GCFC2: variants seen among roughly 807,000 people sequenced by gnomAD.
The protein encoded by GCFC2 is intron Large complex component GCFC2.
Under a neutral mutation model 99.4 loss-of-function variants are expected in GCFC2, and 102 were observed. That is an observed-to-expected ratio of 1.03 (90% CI 0.87 to 1.21). The LOEUF (loss-of-function observed/expected upper bound fraction) is 1.21, where lower values mean the gene tolerates loss of function less well. GCFC2 is among the 50% of genes most tolerant of loss of function. The pLI is 0.00. For missense variants in GCFC2, 973 were observed against 920.9 expected (o/e 1.06, Z -0.73); for synonymous variants, 338 against 316.8 (o/e 1.07, Z -0.71).
In GCFC2 at chr2:75,706,252, G is replaced by GT. The variant is rs577990836; in HGVS notation, c.394+270dup. The stretch of plus-strand genomic sequence containing the variant: ...CTGACAAATTCTTACCATCCTTCAA[G>GT]TATCAATGTCAATCACCCAGTATAG... On this transcript the variant is annotated intron_variant, in intron 2 of 16. Transcript: ENST00000321027. 6.6e-5 allele frequency among the ~76,000 whole-genome samples: 10 copies of GT among 152,206 alleles called. No homozygotes were observed. The East Asian group carries it at 1.9e-3, about 29-fold the overall frequency.
At chr2:75,693,998 C>T (rs1288399297) in intron 6 of GCFC2, among the ~76,000 whole-genome samples, 4 of 151,670 alleles carry the variant, frequency 2.6e-5, no homozygotes, top group Admixed American at 2.6e-4. Context: ...AGGAATTTTC[C>T]TTAAACAGAA....
chr2:75,710,860 G>T lies in GCFC2; in HGVS notation c.-5C>A. On this transcript the variant is annotated 5_prime_UTR_variant, in exon 1 of 17. Coordinates refer to ENST00000321027, the MANE Select transcript of GCFC2 (RefSeq NM_003203.5). ...CCTTTTCGGCCTGTGAGCCATGGCC[G>T]AGGCCCGAGCGCCCGGCGCCCTAGA... 6.5e-7 allele frequency: 1 copy of T among 1,546,082 alleles called. No individual in the cohort carries two copies. Among genetic ancestry groups the T allele is most frequent in the Non-Finnish European group, 8.7e-7 (1 of 1,152,916 alleles).
chr2:75,704,331 C>G (rs556616706), intron 2 of GCFC2, among the ~76,000 whole-genome samples: 7 of 152,326 alleles, frequency 4.6e-5, no homozygotes, highest in Admixed American at 2.6e-4. Flanking sequence ...CAAATAAATG[C>G]TCTTCTTCCA....
chr2:75,701,288 C>T lies in GCFC2; in HGVS notation c.620-1G>A. ...TCACTTGTTTCTTCATTTCTGCTTA[C>T]TAGCGGAAAAAAAGCTCACATGTAA... On this transcript the variant is annotated splice_acceptor_variant, in intron 3 of 16. Transcript: ENST00000321027. LOFTEE classifies it high-confidence loss of function. 1.3e-6 allele frequency: 2 copies of T among 1,575,444 alleles called. No individual in the cohort carries two copies. Among genetic ancestry groups the T allele is most frequent in the Non-Finnish European group, 1.7e-6 (2 of 1,146,024 alleles).
rs1050791276 is a variant in GCFC2 at position 75,710,909 on chromosome 2, C to T, written c.-54G>A. The T allele has an allele frequency of 3.2e-5, 46 of 1,451,896 alleles. No homozygotes were observed. The highest frequency in any genetic ancestry group is 4.0e-5 in the Non-Finnish European group (45 of 1,111,154). 89.9% of individuals were successfully genotyped at this position (1,451,896 alleles called of 1,614,324 possible). A position where few individuals can be genotyped will look rare whatever the true frequency, so the allele number is the denominator to read the frequency against. ...GAACCCGCTGAACCGCAAGCCGCAG[C>T]TTCAGTGCCCGCCCCCTAGGGCGCG... On this transcript the variant is annotated 5_prime_UTR_variant, in exon 1 of 17. Transcript: ENST00000321027.
Position 75,701,257 on chromosome 2 carries a change from CT to C in GCFC2, c.649del (p.Ser217ValfsTer15), listed in dbSNP as rs746312156. ...ISRNEETSEE[S>X]QEDEKQDTWE... ...AGTATCTTGCTTTTCATCTTCCTGA[CT>C]TTCTTCACTTGTTTCTTCATTTCTG... On this transcript the variant is annotated frameshift_variant, in exon 4 of 17. Transcript: ENST00000321027. LOFTEE classifies it high-confidence loss of function. The C allele has an allele frequency of 6.2e-7, 1 of 1,607,254 alleles. No homozygotes were observed.
At chr2:75,699,337 T>C (rs916871795) in intron 4 of GCFC2, among the ~76,000 whole-genome samples, 1 of 152,236 alleles carries the variant, frequency 6.6e-6, no homozygotes, top group African/African-American at 2.4e-5. Context: ...TAAATAGAAC[T>C]GTTTGGTACT....
intron 11 of GCFC2, among the ~76,000 whole-genome samples, chr2:75,684,854 C>T (rs532758206): frequency 2.1e-4 from 32 of 152,284 alleles, no homozygotes; most frequent in Non-Finnish European, 3.7e-4. Context: ...GGCACATGTA[C>T]ACCATGGAAT....
chr2:75,667,452 T>G (rs947788242), intron 15 of GCFC2, among the ~76,000 whole-genome samples: 1 of 152,158 alleles, frequency 6.6e-6, no homozygotes, highest in Non-Finnish European at 1.5e-5. Flanking sequence ...AATGCGCTCT[T>G]TCTAAGATTG....
intron 2 of GCFC2, among the ~76,000 whole-genome samples, chr2:75,706,001 C>T (rs1452578267): frequency 6.6e-6 from 1 of 152,220 alleles, no homozygotes; most frequent in Non-Finnish European, 1.5e-5. Flanking sequence ...AACCCCTGAA[C>T]TAGACTGATC....
intron 11 of GCFC2, among the ~76,000 whole-genome samples, chr2:75,687,391 T>G (rs565177174): frequency 2.0e-5 from 3 of 152,256 alleles, no homozygotes; most frequent in Admixed American, 2.0e-4. Context: ...CTTTAAATAC[T>G]AAGTGACTGA....
chr2:75,710,696 C>G lies in GCFC2; in HGVS notation c.160G>C (p.Val54Leu). ...CGAACCCGGTGGGGCAGTCCCGCCA[C>G]CTGCGCGCGGCCTCCTCCAGAGGGC... The part of the protein sequence containing the change: ...EPPSGGGRAQ[V>L]AGLPHRVRGP... Residue 54 changes from valine to leucine, a missense_variant, in exon 1 of 17, where the codon GTG (valine) becomes CTG (leucine). Physicochemically the swap from Val to Leu is conservative, Grantham distance 32. Coordinates refer to ENST00000321027, the MANE Select transcript of GCFC2 (RefSeq NM_003203.5). 3 of 1,531,120 alleles carry G rather than the reference C, an allele frequency of 2.0e-6. No individual in the cohort carries two copies. The highest frequency in any genetic ancestry group is 2.6e-6 in the Non-Finnish European group (3 of 1,144,124). The allele number at this position is 1,531,120 out of a possible 1,614,324, so 94.8% of individuals were successfully genotyped here. A position where few individuals can be genotyped will look rare whatever the true frequency, so the allele number is the denominator to read the frequency against.
In GCFC2 at chr2:75,689,214, G is replaced by T. The variant is rs187749452; in HGVS notation, c.1351C>A (p.Gln451Lys). 17 of 1,574,464 alleles carry T rather than the reference G, an allele frequency of 1.1e-5. No homozygotes were observed. The East Asian group carries it at 2.7e-4, about 25-fold the overall frequency. ...TCTTCAAAAACTTTCTTCTGTTTCT[G>T]TAAAATGTCACCTGTAAACAAAATA... ...DFQKSQGDIL[Q>K]KQKKVFEEVQ... Residue 451 changes from glutamine to lysine, a missense_variant, in exon 10 of 17, where the codon CAG (glutamine) becomes AAG (lysine). Transcript: ENST00000321027.
chr2:75,664,629 C>A lies in GCFC2; in HGVS notation c.*37G>T. 1 of 880,296 alleles carries A rather than the reference C, an allele frequency of 1.1e-6. No individual in the cohort carries two copies. 54.5% of individuals were successfully genotyped at this position (880,296 alleles called of 1,614,324 possible). A position where few individuals can be genotyped will look rare whatever the true frequency, so the allele number is the denominator to read the frequency against. On this transcript the variant is annotated 3_prime_UTR_variant, in exon 17 of 17. Coordinates refer to ENST00000321027, the MANE Select transcript of GCFC2 (RefSeq NM_003203.5). ...TCTCAAACAAAGGAACTGAGTGTAA[C>A]TATATTAAAATTTTAGCATTTTCCA...
chr2:75,710,908 G>A lies in GCFC2; in HGVS notation c.-53C>T. On this transcript the variant is annotated 5_prime_UTR_variant, in exon 1 of 17. Coordinates refer to ENST00000321027, the MANE Select transcript of GCFC2 (RefSeq NM_003203.5). ...AGAACCCGCTGAACCGCAAGCCGCAGCTTCAGTGCCCGCCCCCTAGGGCGC... is the reference window on the plus strand; with the variant it reads ...AGAACCCGCTGAACCGCAAGCCGCAACTTCAGTGCCCGCCCCCTAGGGCGC... 1 of 1,456,086 alleles carries A rather than the reference G, an allele frequency of 6.9e-7. No individual in the cohort carries two copies. The highest frequency in any genetic ancestry group is 9.0e-7 in the Non-Finnish European group (1 of 1,112,764). The allele number at this position is 1,456,086 out of a possible 1,614,324, so 90.2% of individuals were successfully genotyped here. A position where few individuals can be genotyped will look rare whatever the true frequency, so the allele number is the denominator to read the frequency against.
chr2:75,694,636 T>C (rs1680226509), intron 5 of GCFC2, among the ~76,000 whole-genome samples: 1 of 152,160 alleles, frequency 6.6e-6, no homozygotes. Flanking sequence ...CTTGCATTTG[T>C]CTTTCAGAAT....
rs766565881 is a variant in GCFC2, at chr2:75,687,914, T to G, written c.1603A>C (p.Ser535Arg). 1.3e-6 allele frequency: 2 copies of G among 1,596,724 alleles called. No homozygotes were observed. The highest frequency in any genetic ancestry group is 3.4e-5 in the Admixed American group (2 of 59,248). ...CTTTCCTTCTTTGAATCTTCCACAC[T>G]GCTATCCATAAATTCTTCTACAGAT... is the stretch of plus-strand genomic sequence containing the variant. ...FKSVEEFMDS[S>R]VEDSKKESSS... The change falls in exon 11 of 17, where the codon AGT (serine) becomes CGT (arginine). Residue 535 changes from serine to arginine, a missense_variant. Coordinates refer to ENST00000321027, the MANE Select transcript of GCFC2 (RefSeq NM_003203.5).
chr2:75,664,805 TC>T (rs1678760656), intron 16 of GCFC2, 22 bp from the exon 17 acceptor site: 1 of 1,169,988 alleles, frequency 8.5e-7, no homozygotes, highest in African/African-American at 1.5e-5. Flanking sequence ...AACAAATTTC[TC>T]CCTTTAAAAA....
intron 4 of GCFC2, chr2:75,698,124 G>A (rs1353290118): frequency 6.6e-6 from 1 of 152,154 alleles, no homozygotes; most frequent in Non-Finnish European, 1.5e-5. Flanking sequence ...TCAAATAAGT[G>A]TGAGATTCCA....
Sources: allele counts gnomAD v4.1 joint callset (sites outside exome capture counted in the v4.1 genomes callset), GRCh38; gene constraint gnomAD v4.1.1; transcripts MANE v1.5; gene names NCBI Gene and HGNC (gene_info 2026-07-23, HGNC 2026-07-21).